F5: variants seen among roughly 807,000 people sequenced by gnomAD.
F5 encodes the protein coagulation factor V.
Under a neutral mutation model 216.4 loss-of-function variants are expected in F5, and 138 were observed. The ratio of observed to expected loss-of-function variants is 0.64; its 90% CI spans 0.56 to 0.73. The LOEUF (loss-of-function observed/expected upper bound fraction) is 0.73. Among genes scored for constraint, F5 ranks in the 30% least tolerant of loss-of-function variants. F5 has a pLI of 0.00. For missense variants in F5, 2,403 were observed against 2,674.0 expected, an observed-to-expected ratio of 0.90 and a Z score of 2.24; for synonymous variants, 916 against 930.7, an observed-to-expected ratio of 0.98 and a Z score of 0.29.
At position 169,560,681 on chromosome 1, in the gene F5, A is replaced by G. The variant is rs941882063; in HGVS notation, c.459T>C (p.Ser153=). 6.2e-6 allele frequency: 10 copies of G among 1,613,420 alleles called. No homozygotes were observed. In the African/African-American group the frequency reaches 8.0e-5, roughly 13 times the overall value. ...APGREYTYEW[S]ISEDSGPTHD... ...GGGTGGGTCCACTGTCCTCACTGAT[A>G]CTCCATTCATAGGTGTATTCTCGGC... Residue 153 remains serine (S), a synonymous_variant, in exon 4 of 25, where the codon AGT becomes AGC. Transcript: ENST00000367797.
At chr1:169,537,298 A>G (rs973890949) in intron 13 of F5, among the ~76,000 whole-genome samples, 5 of 152,204 alleles carry the variant, frequency 3.3e-5, no homozygotes, top group Non-Finnish European at 7.4e-5. Context: ...CAATGGTCAG[A>G]TTAATTAGAA....
chr1:169,542,769 CCAA>C lies in F5; in HGVS notation c.2318_2320del (p.Val773del). On this transcript the variant is annotated inframe_deletion, in exon 13 of 25. Transcript: ENST00000367797. ...ATTACTTGGGGAAGAATAATTTGAACCAACAATTATATCTGTGTTTGAAGAAAC... is the reference window on the plus strand; with the variant it reads ...ATTACTTGGGGAAGAATAATTTGAACCAATTATATCTGTGTTTGAAGAAAC... 1 of 1,614,094 alleles carries C rather than the reference CCAA, an allele frequency of 6.2e-7. No homozygotes were observed. The highest frequency in any genetic ancestry group is 8.5e-7 in the Non-Finnish European group (1 of 1,179,984).
chr1:169,577,587 ATATATATATATATATATGTATG>A (rs1660889321), intron 2 of F5, among the ~76,000 whole-genome samples: 4 of 112,860 alleles, frequency 3.5e-5, no homozygotes, highest in Non-Finnish European at 6.8e-5. Flanking sequence ...ATATATATAT[ATATATATATATATATATGTATG>A]TATTTTTTTA....
At chr1:169,530,278 G>T (rs977621326) in intron 15 of F5, among the ~76,000 whole-genome samples, 1 of 152,180 alleles carries the variant, frequency 6.6e-6, no homozygotes, top group Non-Finnish European at 1.5e-5. Flanking sequence ...TGCATTGACA[G>T]GGTAAAAATT....
In F5 at chr1:169,540,603, G is replaced by A. The variant is rs746632171; in HGVS notation, c.4487C>T (p.Pro1496Leu). The change falls in exon 13 of 25, where the codon CCT (proline) becomes CTT (leucine). Residue 1496 changes from proline to leucine, a missense_variant. Transcript: ENST00000367797. ...TGATAGAAAAGTATCATTGAGAGTA[G>A]GAGATGAAGGAGATGGCATCTGACC... ...DLGQMPSPSS[P>L]TLNDTFLSKE... 4.8e-5 allele frequency: 78 copies of A among 1,614,048 alleles called. No individual in the cohort carries two copies. Among genetic ancestry groups the A allele is most frequent in the Non-Finnish European group, 6.5e-5 (77 of 1,179,980 alleles).
At position 169,582,459 on chromosome 1, in the gene F5, C is replaced by T. The variant is rs766813776; in HGVS notation, c.222G>A (p.Lys74=). Residue 74 remains lysine, a synonymous_variant, in exon 2 of 25, where the codon AAG becomes AAA. Coordinates refer to ENST00000367797, the MANE Select transcript of F5 (RefSeq NM_000130.5). The part of the protein sequence containing the change: ...IVYREYEPYF[K]KEKPQSTISG... ...AAATGGTAGATTGTGGTTTTTCTTT[C>T]TTAAAATATGGTTCATACTCTCTGT... 1.9e-6 allele frequency: 3 copies of T among 1,543,962 alleles called. No homozygotes were observed. The highest frequency in any genetic ancestry group is 2.7e-6 in the Non-Finnish European group (3 of 1,122,484).
chr1:169,539,967 G>C (rs934463976), intron 13 of F5, among the ~76,000 whole-genome samples: 1 of 152,200 alleles, frequency 6.6e-6, no homozygotes, highest in Non-Finnish European at 1.5e-5. Context: ...ATATTGATTA[G>C]CATATAGCTA....
intron 7 of F5, among the ~76,000 whole-genome samples, chr1:169,553,568 T>C (rs1370351360): frequency 1.3e-5 from 2 of 152,150 alleles, no homozygotes; most frequent in Non-Finnish European, 2.9e-5. Context: ...ATTATATTTT[T>C]TGTATTTTGT....
chr1:169,584,397 A>C (rs1661056732), intron 1 of F5, among the ~76,000 whole-genome samples: 1 of 152,220 alleles, frequency 6.6e-6, no homozygotes, highest in Admixed American at 6.5e-5. Context: ...TAAAGCTAGA[A>C]CCCTAGAAGG....
intron 7 of F5, among the ~76,000 whole-genome samples, chr1:169,554,159 T>TG (rs11436193): frequency 0.074 from 11,164 of 150,120 alleles, 1,046 homozygotes; most frequent in African/African-American, 0.22. Flanking sequence ...ACTCTCAAAA[T>TG]GACCTCCCTA....
At chr1:169,553,068 A>G (rs1264527563) in intron 7 of F5, among the ~76,000 whole-genome samples, 1 of 152,216 alleles carries the variant, frequency 6.6e-6, no homozygotes, top group Non-Finnish European at 1.5e-5. Context: ...AATTTTTCTA[A>G]AGTCTGTCCT....
At chr1:169,550,575 G>T in intron 9 of F5, 65 bp downstream of exon 9, 1 of 1,221,972 alleles carries the variant, frequency 8.2e-7, no homozygotes, top group Non-Finnish European at 1.2e-6. Context: ...AAGGAGAATA[G>T]CAGAAAAATG....
rs565944697 is a variant in F5, at chr1:169,527,704, C to T, written c.5599+211G>A. On this transcript the variant is annotated intron_variant, in intron 17 of 24. Transcript: ENST00000367797. ...AACTGAGTTGGGTCACACATTTAGC[C>T]TGTGTGGTGCTGCAAATAGTTCATA... Among the ~76,000 whole-genome samples the T allele has an allele frequency of 8.5e-5, 13 of 152,294 alleles. No individual in the cohort carries two copies. In the East Asian group the frequency reaches 2.5e-3, roughly 29 times the overall value.
At position 169,550,708 on chromosome 1, in the gene F5, T is replaced by C; in HGVS notation, c.1328A>G (p.Tyr443Cys). 6.2e-7 allele frequency: 1 copy of C among 1,614,048 alleles called. No homozygotes were observed. Among genetic ancestry groups the C allele is most frequent in the Non-Finnish European group, 8.5e-7 (1 of 1,179,900 alleles). Residue 443 changes from tyrosine to cysteine, a missense_variant, in exon 9 of 25, where the codon TAT becomes TGT. By Grantham distance (194) the Tyr-to-Cys change is radical. Transcript: ENST00000367797. ...IVFKNMASRP[Y>C]SIYPHGVTFS... ...GGTCACTCCATGAGGGTAAATGCTA[T>C]AGGGGCGGCTGGCCATATTTTTGAA... is the stretch of plus-strand genomic sequence containing the variant.
chr1:169,564,929 G>A (rs181636176), intron 3 of F5, among the ~76,000 whole-genome samples: 1 of 152,152 alleles, frequency 6.6e-6, no homozygotes, highest in African/African-American at 2.4e-5. Flanking sequence ...TTTACTTCTT[G>A]CATAAAGTCC....
At chr1:169,550,835 G>A in intron 8 of F5, 96 bp from the exon 9 acceptor site, 1 of 905,186 alleles carries the variant, frequency 1.1e-6, no homozygotes, top group South Asian at 1.4e-5. Flanking sequence ...TGGATGGTGT[G>A]TGTGTATACA....
rs568479955 is a variant in F5 at position 169,555,102 on chromosome 1, T to G, written c.1118+80A>C. ...TGTGTCCCCTTGAGAGCTGTGAACT[T>G]ACATTTCACCCCAAACATCTAGGAC... On this transcript the variant is annotated intron_variant, in intron 7 of 24. Transcript: ENST00000367797. 89 of 1,524,374 alleles carry G rather than the reference T, an allele frequency of 5.8e-5. No homozygotes were observed. In the African/African-American group the frequency reaches 1.0e-3, roughly 18 times the overall value. The allele number at this position is 1,524,374 out of a possible 1,614,324, so 94.4% of individuals were successfully genotyped here.
At chr1:169,519,370 G>T (rs973186327) in intron 22 of F5, among the ~76,000 whole-genome samples, 1 of 152,156 alleles carries the variant, frequency 6.6e-6, no homozygotes, top group African/African-American at 2.4e-5. Flanking sequence ...TAGCAGAATT[G>T]AATGTCACAT....
In F5 at chr1:169,576,584, G is replaced by C. The variant is rs9332511; in HGVS notation, c.251-4241C>G. ...CCAAAGCTCTCCCTATTCCTTCCAC[G>C]GGGCAGGCTCAGGCCCCCATCTTTA... is the stretch of plus-strand genomic sequence containing the variant. On this transcript the variant is annotated intron_variant, in intron 2 of 24. Transcript: ENST00000367797. Among the ~76,000 whole-genome samples, 4 of 151,888 alleles carry C rather than the reference G, an allele frequency of 2.6e-5. No homozygotes were observed. The East Asian group carries it at 7.7e-4, about 29-fold the overall frequency.
Sources: allele counts gnomAD v4.1 joint callset (sites outside exome capture counted in the v4.1 genomes callset), GRCh38; gene constraint gnomAD v4.1.1; transcripts MANE v1.5; gene names NCBI Gene and HGNC (gene_info 2026-07-23, HGNC 2026-07-21).